Variants in PCDHA7 observed in about 807,000 individuals in gnomAD.
PCDHA7 encodes protocadherin alpha-7.
In PCDHA7, 37 loss-of-function variants were observed where a neutral mutation model predicts 57.2. The ratio of observed to expected loss-of-function variants is 0.65; its 90% CI spans 0.50 to 0.85. The LOEUF (loss-of-function observed/expected upper bound fraction) is 0.85, where lower values mean the gene tolerates loss of function less well. PCDHA7 is among the 40% of genes least tolerant of loss of function. The pLI is 0.00. For synonymous variants in PCDHA7, 553 were observed against 558.8 expected (o/e 0.99, Z 0.15); for missense variants, 1,188 against 1,241.8 (o/e 0.96, Z 0.65).
intron 1 of PCDHA7, among the ~76,000 whole-genome samples, chr5:140,846,373 C>CTTTTTTTTT (rs374699051): frequency 1.6e-4 from 9 of 55,150 alleles, no homozygotes; most frequent in Non-Finnish European, 2.9e-4. Context: ...TTCTTTCTTT[C>CTTTTTTTTT]TTTTTTTTTT....
chr5:140,927,910 C>A lies in PCDHA7; in HGVS notation c.2356-51039C>A, dbSNP rs782484227. 2.5e-6 allele frequency: 4 copies of A among 1,614,216 alleles called. No homozygotes were observed. In the South Asian group the frequency reaches 3.3e-5, roughly 13 times the overall value. On this transcript the variant is annotated intron_variant, in intron 1 of 3. Transcript: ENST00000525929. ...TGACGTGAACGATCATGCCCCCGAACTGGACTTCCTGACTCTTTCGAACCC... is the reference window on the plus strand; with the variant it reads ...TGACGTGAACGATCATGCCCCCGAAATGGACTTCCTGACTCTTTCGAACCC...
chr5:140,916,563 G>A (rs2077621809), intron 1 of PCDHA7, among the ~76,000 whole-genome samples: 1 of 152,198 alleles, frequency 6.6e-6, no homozygotes, highest in African/African-American at 2.4e-5. Context: ...TGTCCAGGGT[G>A]TGTCTAGAAA....
chr5:140,924,887 C>A (rs528979895), intron 1 of PCDHA7, among the ~76,000 whole-genome samples: 1 of 126,448 alleles, frequency 7.9e-6, no homozygotes, highest in African/African-American at 3.2e-5. Flanking sequence ...AGAGCAAGAA[C>A]CTGTCTCAAA....
At chr5:140,868,071 TTTTA>T (rs2050265335) in intron 1 of PCDHA7, 1 of 152,116 alleles carries the variant, frequency 6.6e-6, no homozygotes. Flanking sequence ...TTCAGGGTGA[TTTTA>T]TTTATTTTAT....
In PCDHA7 at chr5:140,870,953, C is replaced by T. The variant is rs782232980; in HGVS notation, c.2355+34215C>T. The T allele has an allele frequency of 3.2e-5, 51 of 1,613,668 alleles. No homozygotes were observed. In the East Asian group the frequency reaches 1.0e-3, roughly 32 times the overall value. ...GAATTGCAGCCGGCGGCGGGCGGCT[C>T]GCGCATCCCGTTCCGCGTGGGGCTG... On this transcript the variant is annotated intron_variant, in intron 1 of 3. Transcript: ENST00000525929.
chr5:140,969,450 G>GTA (rs782343162), intron 1 of PCDHA7: 4 of 1,511,552 alleles, frequency 2.6e-6, no homozygotes, highest in Non-Finnish European at 3.6e-6. Flanking sequence ...GGTAAACTGA[G>GTA]TATATATAGT....
chr5:140,916,046 C>T (rs2077416983), intron 1 of PCDHA7, among the ~76,000 whole-genome samples: 1 of 152,202 alleles, frequency 6.6e-6, no homozygotes, highest in Admixed American at 6.5e-5. Context: ...TTTCCACAGG[C>T]AGAGGTGCCT....
intron 1 of PCDHA7, among the ~76,000 whole-genome samples, chr5:140,953,471 C>T (rs554082808): frequency 3.9e-5 from 6 of 152,074 alleles, no homozygotes; most frequent in Non-Finnish European, 7.4e-5. Flanking sequence ...TTTTAACTTC[C>T]TCATGCTGTG....
intron 1 of PCDHA7, among the ~76,000 whole-genome samples, chr5:140,897,558 T>A (rs1413076305): frequency 3.3e-5 from 5 of 152,186 alleles, no homozygotes; most frequent in African/African-American, 1.2e-4. Context: ...ATGGTGTATA[T>A]GTGCCACATT....
chr5:140,871,656 A>C, intron 1 of PCDHA7: 1 of 1,231,284 alleles, frequency 8.1e-7, no homozygotes, highest in Non-Finnish European at 1.1e-6. Flanking sequence ...AATGATACAC[A>C]TCTTCAGTCT....
Position 140,842,124 on chromosome 5 carries a change from A to T in PCDHA7, c.2355+5386A>T, listed in dbSNP as rs2150329759. The T allele has an allele frequency of 4.0e-5, 65 of 1,613,768 alleles. 1 individual carries two copies. The highest frequency in any genetic ancestry group is 2.8e-4 in the Admixed American group (17 of 59,988). The stretch of plus-strand genomic sequence containing the variant: ...ACAGTTATCAAACTGAATGCTTCTG[A>T]TCCGGATGAAGGAGCCAATGGGGCA... On this transcript the variant is annotated intron_variant, in intron 1 of 3. Coordinates refer to ENST00000525929, the MANE Select transcript of PCDHA7 (RefSeq NM_018910.3).
chr5:140,850,456 A>T lies in PCDHA7; in HGVS notation c.2355+13718A>T, dbSNP rs2150485002. 3 of 1,597,744 alleles carry T rather than the reference A, an allele frequency of 1.9e-6. No homozygotes were observed. In the Admixed American group the frequency reaches 5.1e-5, roughly 27 times the overall value. ...CGCCTACTGGTGCTGGTGAAAGACC[A>T]CGGGGAGCCAGCGCTGACGGCCACG... On this transcript the variant is annotated intron_variant, in intron 1 of 3. Coordinates refer to ENST00000525929, the MANE Select transcript of PCDHA7 (RefSeq NM_018910.3).
intron 1 of PCDHA7, chr5:140,850,917 T>G: frequency 6.5e-7 from 1 of 1,530,140 alleles, no homozygotes; most frequent in Non-Finnish European, 8.8e-7. Context: ...TTTATTTATT[T>G]ATATAATTTT....
chr5:140,969,075 A>G, intron 1 of PCDHA7: 1 of 1,614,184 alleles, frequency 6.2e-7, no homozygotes, highest in Non-Finnish European at 8.5e-7. Flanking sequence ...AGGATACCGC[A>G]TGGCCTCAAA....
intron 1 of PCDHA7, chr5:140,882,721 A>G: frequency 6.2e-7 from 1 of 1,614,170 alleles, no homozygotes; most frequent in East Asian, 2.2e-5. Context: ...CGGAAACTCG[A>G]TTTCCACTAG....
chr5:141,005,701 CAAAAAAAAAAAA>C (rs59860837), intron 3 of PCDHA7, among the ~76,000 whole-genome samples: 139 of 7,794 alleles, frequency 0.018, no homozygotes, highest in African/African-American at 0.055. Context: ...AACTCCGTCT[CAAAAAAAAAAAA>C]AAAAAAAAAA....
At chr5:140,932,491 T>C (rs1041440008) in intron 1 of PCDHA7, among the ~76,000 whole-genome samples, 11 of 151,918 alleles carry the variant, frequency 7.2e-5, no homozygotes, top group Non-Finnish European at 1.6e-4. Flanking sequence ...CTCTTTGCAA[T>C]GTCATTTGTT....
chr5:140,972,754 C>T (rs782389999), intron 1 of PCDHA7, among the ~76,000 whole-genome samples: 1 of 151,316 alleles, frequency 6.6e-6, no homozygotes, highest in African/African-American at 2.4e-5. Flanking sequence ...ACCTCCGCCT[C>T]CCAAGTTAAA....
chr5:140,887,885 A>G (rs1281444456), intron 1 of PCDHA7, among the ~76,000 whole-genome samples: 1 of 152,144 alleles, frequency 6.6e-6, no homozygotes, highest in Non-Finnish European at 1.5e-5. Context: ...TTGTAGTATC[A>G]TATCTGTTAA....
Sources: allele counts gnomAD v4.1 joint callset (sites outside exome capture counted in the v4.1 genomes callset), GRCh38; gene constraint gnomAD v4.1.1; transcripts MANE v1.5; gene names NCBI Gene and HGNC (gene_info 2026-07-23, HGNC 2026-07-21).